TMPRSS6: variants seen among roughly 807,000 people sequenced by gnomAD.
TMPRSS6 encodes transmembrane protease serine 6.
A neutral mutation model predicts 101.5 loss-of-function variants in TMPRSS6; 67 were observed. That is an observed-to-expected ratio of 0.66 (90% confidence interval 0.54 to 0.81). The LOEUF (loss-of-function observed/expected upper bound fraction) is 0.81, where lower values mean the gene tolerates loss of function less well. Among genes scored for constraint, TMPRSS6 ranks in the 30% least tolerant of loss-of-function variants. The pLI is 0.00. For synonymous variants in TMPRSS6, 453 were observed against 464.9 expected (o/e 0.97, Z 0.33); for missense variants, 1,034 against 1,088.7 (o/e 0.95, Z 0.71).
In TMPRSS6 at chr22:37,079,017, G is replaced by GAAAGAAAGAAAGAAAGAAAGAA. The variant is rs374910501; in HGVS notation, c.1197-3738_1197-3737insTTCTTTCTTTCTTTCTTTCTTT. 1.7e-4 allele frequency among the ~76,000 whole-genome samples: 16 copies of GAAAGAAAGAAAGAAAGAAAGAA among 93,294 alleles called. No homozygotes were observed. The Admixed American group carries it at 2.1e-3, about 12-fold the overall frequency. The allele number at this position is 93,294 out of a possible 152,430, so 61.2% of individuals were successfully genotyped here. On this transcript the variant is annotated intron_variant, in intron 10 of 17. Coordinates refer to ENST00000676104, the MANE Select transcript of TMPRSS6 (RefSeq NM_001374504.1). ...AGAAAGAAAGAAAGAAAGAAAGAAA[G>GAAAGAAAGAAAGAAAGAAAGAA]AGAAAGAGAGAAAGAAAGAAAAGCC...
In TMPRSS6 at chr22:37,072,290, TGATG is replaced by T. The variant is rs572525015; in HGVS notation, c.1555+1238_1555+1241del. 1.5e-4 allele frequency among the ~76,000 whole-genome samples: 16 copies of T among 103,242 alleles called. 1 individual carries two copies. The South Asian group carries it at 4.2e-3, about 27-fold the overall frequency. 67.7% of individuals were successfully genotyped at this position (103,242 alleles called of 152,430 possible). Reference sequence around the variant, plus strand: ...ATGGATGGTTGCATGGATGGATGGATGATGGATGGATGGATGATGGATGGATGGA... The same window carrying T: ...ATGGATGGTTGCATGGATGGATGGATGATGGATGGATGATGGATGGATGGA... On this transcript the variant is annotated intron_variant, in intron 13 of 17. Transcript: ENST00000676104.
chr22:37,083,360 G>C (rs912561499), intron 10 of TMPRSS6, among the ~76,000 whole-genome samples: 25 of 150,738 alleles, frequency 1.7e-4, no homozygotes, highest in South Asian at 4.2e-4. Flanking sequence ...CTCTCCCCTT[G>C]CCCACCCTCC....
intron 12 of TMPRSS6, 142 bp downstream of exon 12, chr22:37,074,468 A>C (rs1927427695): frequency 1.6e-5 from 13 of 794,784 alleles, no homozygotes; most frequent in Non-Finnish European, 2.7e-5. Flanking sequence ...CCACCCCGGC[A>C]CAGTGAGAGA....
At chr22:37,109,859 C>G (rs932116392), upstream of TMPRSS6, among the ~76,000 whole-genome samples, 20 of 152,234 alleles carry the variant, frequency 1.3e-4, no homozygotes, top group African/African-American at 4.6e-4. Context: ...TGGTGACATG[C>G]CTGCCTGGTT....
rs751978894 is a variant in TMPRSS6 at position 37,066,148 on chromosome 22, G to T, written c.2341C>A (p.Pro781Thr). The change falls in exon 18 of 18, where the codon CCT becomes ACT. Residue 781 changes from proline (P) to threonine (T), a missense_variant. Physicochemically the swap from Pro to Thr is conservative, Grantham distance 38. Coordinates refer to ENST00000676104, the MANE Select transcript of TMPRSS6 (RefSeq NM_001374504.1). Reference protein sequence around the residue: ...LVSWGLGCGRPNYFGVYTRIT... With the variant: ...LVSWGLGCGRTNYFGVYTRIT... ...CGGGTGTAGACGCCGAAGTAGTTAGGCCGGCCACAGCCCAGGCCCCAGCTG... is the reference window on the plus strand; with the variant it reads ...CGGGTGTAGACGCCGAAGTAGTTAGTCCGGCCACAGCCCAGGCCCCAGCTG... 10 of 1,613,242 alleles carry T rather than the reference G, an allele frequency of 6.2e-6. 1 individual carries two copies. The South Asian group carries it at 1.1e-4, about 18-fold the overall frequency.
Position 37,096,506 on chromosome 22 carries a change from T to C in TMPRSS6, c.404+142A>G, listed in dbSNP as rs533722630. The C allele has an allele frequency of 2.1e-5, 19 of 903,564 alleles. No individual in the cohort carries two copies. The Admixed American group carries it at 2.8e-4, about 13-fold the overall frequency. 56.0% of individuals were successfully genotyped at this position (903,564 alleles called of 1,614,324 possible). ...TGAGCCCAGTGAAGGGAGGGTGACA[T>C]GCAGGAAGCCAAGTTCCCTCTCTAT... On this transcript the variant is annotated intron_variant, in intron 4 of 17. Transcript: ENST00000676104.
chr22:37,097,083 T>A (rs1217282183), intron 3 of TMPRSS6, among the ~76,000 whole-genome samples: 1 of 114,348 alleles, frequency 8.7e-6, no homozygotes, highest in Non-Finnish European at 1.9e-5. Flanking sequence ...GGGTAGTTTT[T>A]GCGCATCTCC....
rs1926281355 is a variant in TMPRSS6 at position 37,066,295 on chromosome 22, G to A, written c.2251-57C>T. 3.3e-6 allele frequency: 5 copies of A among 1,503,478 alleles called. No homozygotes were observed. The African/African-American group carries it at 5.6e-5, about 17-fold the overall frequency. The allele number at this position is 1,503,478 out of a possible 1,614,324, so 93.1% of individuals were successfully genotyped here. A position where few individuals can be genotyped will look rare whatever the true frequency, so the allele number is the denominator to read the frequency against. Reference sequence around the variant, plus strand: ...AGGGTAAGGGCACCCCCTTTTCCAGGTGAAGAGCCATAGGGATTAAGTCCT... The same window carrying A: ...AGGGTAAGGGCACCCCCTTTTCCAGATGAAGAGCCATAGGGATTAAGTCCT... On this transcript the variant is annotated intron_variant, in intron 17 of 17. Transcript: ENST00000676104.
intron 6 of TMPRSS6, among the ~76,000 whole-genome samples, chr22:37,092,377 C>G (rs181405642): frequency 6.6e-6 from 1 of 152,094 alleles, no homozygotes. Flanking sequence ...CAGGCTGGAG[C>G]GCAGTGATGC....
chr22:37,096,339 C>T (rs1569021937), intron 4 of TMPRSS6, among the ~76,000 whole-genome samples: 1 of 152,208 alleles, frequency 6.6e-6, no homozygotes, highest in South Asian at 2.1e-4. Flanking sequence ...CAGATGTGGA[C>T]GGGGCAGTCG....
chr22:37,106,798 G>A (rs923427576), intron 1 of TMPRSS6, among the ~76,000 whole-genome samples: 1 of 152,172 alleles, frequency 6.6e-6, no homozygotes, highest in African/African-American at 2.4e-5. Flanking sequence ...TCATGCACAT[G>A]GTGCCCCAGG....
In TMPRSS6 at chr22:37,069,976, G is replaced by A. The variant is rs964509090; in HGVS notation, c.1841+508C>T. ...GGATCCCTGTGCAGGGCCTGGGGGC[G>A]GGATCTGGAGCCCAGATCTGTCTGG... On this transcript the variant is annotated intron_variant, in intron 15 of 17. Coordinates refer to ENST00000676104, the MANE Select transcript of TMPRSS6 (RefSeq NM_001374504.1). The surrounding 1 kb of genome is among the most constrained non-coding windows in gnomAD (Gnocchi z 4.8). Among the ~76,000 whole-genome samples, 5 of 152,250 alleles carry A rather than the reference G, an allele frequency of 3.3e-5. No individual in the cohort carries two copies. The highest frequency in any genetic ancestry group is 4.8e-5 in the African/African-American group (2 of 41,550).
chr22:37,094,210 T>C (rs938499214), intron 6 of TMPRSS6, among the ~76,000 whole-genome samples: 4 of 152,216 alleles, frequency 2.6e-5, no homozygotes, highest in Non-Finnish European at 5.9e-5. Context: ...TCAGACTCTG[T>C]AGAGGTAGAT....
At chr22:37,083,327 A>G (rs982821759) in intron 10 of TMPRSS6, among the ~76,000 whole-genome samples, 1 of 151,898 alleles carries the variant, frequency 6.6e-6, no homozygotes, top group Non-Finnish European at 1.5e-5. Context: ...GCTCCCCAAC[A>G]ATGGAGCCAT....
chr22:37,078,250 C>T (rs143460607), intron 10 of TMPRSS6, among the ~76,000 whole-genome samples: 29 of 152,252 alleles, frequency 1.9e-4, no homozygotes, highest in Non-Finnish European at 3.1e-4. Context: ...GGGAGTGGAA[C>T]GTTTCACCCT....
chr22:37,103,264 C>A lies in TMPRSS6; in HGVS notation c.154G>T (p.Ala52Ser), dbSNP rs1019627236. The change falls in exon 2 of 18, where the codon GCC becomes TCC. Residue 52 changes from alanine (A) to serine (S), a missense_variant. Coordinates refer to ENST00000676104, the MANE Select transcript of TMPRSS6 (RefSeq NM_001374504.1). This position sits in a 1 kb window ranked among gnomAD's most constrained non-coding sequence, Gnocchi z 4.4. ...LRLVPLFVLLALLVLASAGVL... is the reference protein window; with the variant it reads ...LRLVPLFVLLSLLVLASAGVL... ...CCCGCCGAAGCCAGCACGAGCAGGG[C>A]CAGCAGCACAAACAGGGGCACCAGG... 6.2e-6 allele frequency: 10 copies of A among 1,614,118 alleles called. No homozygotes were observed. In the African/African-American group the frequency reaches 1.3e-4, roughly 22 times the overall value.
In TMPRSS6 at chr22:37,103,372, C is replaced by T. The variant is rs989193162; in HGVS notation, c.46G>A (p.Gly16Arg). Reference protein sequence around the residue: ...APQVAGGQGDGGDGEEAEPEG... With the variant: ...APQVAGGQGDRGDGEEAEPEG... Reference sequence around the variant, plus strand: ...GGCTCCGCTTCCTCGCCATCACCTCCGTCCCCCTGCCCGCCAGCCACCTGG... The same window carrying T: ...GGCTCCGCTTCCTCGCCATCACCTCTGTCCCCCTGCCCGCCAGCCACCTGG... Residue 16 changes from glycine (G) to arginine (R), a missense_variant, in exon 2 of 18, where the codon GGA becomes AGA. Coordinates refer to ENST00000676104, the MANE Select transcript of TMPRSS6 (RefSeq NM_001374504.1). The surrounding 1 kb of genome is among the most constrained non-coding windows in gnomAD (Gnocchi z 4.4). 5.6e-6 allele frequency: 9 copies of T among 1,614,222 alleles called. No individual in the cohort carries two copies. Among genetic ancestry groups the T allele is most frequent in the Middle Eastern group, 1.6e-4 (1 of 6,062 alleles).
intron 8 of TMPRSS6, among the ~76,000 whole-genome samples, 182 bp downstream of exon 8, chr22:37,086,101 G>A (rs1928731462): frequency 1.5e-5 from 2 of 135,096 alleles, no homozygotes; most frequent in South Asian, 5.5e-4. Context: ...GGGTGGAAGT[G>A]CAAACGACGG....
At chr22:37,080,638 C>A (rs1405449355) in intron 10 of TMPRSS6, among the ~76,000 whole-genome samples, 3 of 152,248 alleles carry the variant, frequency 2.0e-5, no homozygotes, top group Admixed American at 6.5e-5. Context: ...GGTTTGCAGG[C>A]GCCACCTCTG....
Sources: allele counts gnomAD v4.1 joint callset (sites outside exome capture counted in the v4.1 genomes callset), GRCh38; gene constraint gnomAD v4.1.1; non-coding constraint Gnocchi (gnomAD v3.1); transcripts MANE v1.5; gene names NCBI Gene and HGNC (gene_info 2026-07-23, HGNC 2026-07-21).